Variants in LHFPL2 observed in about 807,000 individuals in gnomAD.
LHFPL2 encodes LHFPL tetraspan subfamily member 2, also known as LHFPL tetraspan subfamily member 2 protein.
A neutral mutation model predicts 17.5 loss-of-function variants in LHFPL2; 7 were observed. The observed-to-expected ratio is 0.40, with a 90% confidence interval of 0.23 to 0.75. The LOEUF is 0.75. Ranked by LOEUF, LHFPL2 falls within the 30% of genes least tolerant of loss-of-function variation. The pLI is 0.37. For missense variants in LHFPL2, 241 were observed against 294.8 expected, an observed-to-expected ratio of 0.82 and a Z score of 1.34; for synonymous variants, 134 against 116.2, an observed-to-expected ratio of 1.15 and a Z score of -0.99.
intron 4 of LHFPL2, among the ~76,000 whole-genome samples, chr5:78,490,520 A>G (rs1486569676): frequency 6.6e-6 from 1 of 152,128 alleles, no homozygotes; most frequent in Non-Finnish European, 1.5e-5. Context: ...TGGGAGGCTG[A>G]GGTGGGTGGA....
At chr5:78,542,706 T>G (rs1199163573) in intron 3 of LHFPL2, among the ~76,000 whole-genome samples, 4 of 152,166 alleles carry the variant, frequency 2.6e-5, no homozygotes, top group African/African-American at 4.8e-5. Context: ...CTGGTCTCTA[T>G]CTGGGCCACT....
chr5:78,511,033 AC>A (rs1320516285), intron 3 of LHFPL2, among the ~76,000 whole-genome samples: 1 of 152,086 alleles, frequency 6.6e-6, no homozygotes, highest in Non-Finnish European at 1.5e-5. Flanking sequence ...TTGCTCCCAT[AC>A]CTATACTTTA....
intron 3 of LHFPL2, among the ~76,000 whole-genome samples, chr5:78,528,733 T>C (rs1282255128): frequency 6.6e-6 from 1 of 152,204 alleles, no homozygotes; most frequent in East Asian, 1.9e-4. Context: ...CCCTCACAGC[T>C]GTCAGGTAGG....
At chr5:78,509,677 T>TG in intron 4 of LHFPL2, 107 bp downstream of exon 4, 4 of 1,120,498 alleles carry the variant, frequency 3.6e-6, no homozygotes, top group Non-Finnish European at 5.2e-6. Flanking sequence ...AGACAGAAAG[T>TG]GGTCTTCTCC....
chr5:78,633,568 T>C (rs552898228), intron 1 of LHFPL2, among the ~76,000 whole-genome samples: 1 of 152,096 alleles, frequency 6.6e-6, no homozygotes, highest in Admixed American at 6.5e-5. Flanking sequence ...GGGGACAGAG[T>C]ACAGAGATGG....
At chr5:78,535,905 C>G (rs575333950) in intron 3 of LHFPL2, among the ~76,000 whole-genome samples, 44 of 152,186 alleles carry the variant, frequency 2.9e-4, no homozygotes, top group Admixed American at 1.1e-3. Flanking sequence ...GCCCCCCAGT[C>G]TCAGAGTTCT....
intron 2 of LHFPL2, among the ~76,000 whole-genome samples, chr5:78,630,283 G>A (rs992462295): frequency 1.3e-5 from 2 of 152,242 alleles, no homozygotes; most frequent in African/African-American, 4.8e-5. Context: ...GCATGGGGCA[G>A]TGTGGAGACC....
intron 1 of LHFPL2, among the ~76,000 whole-genome samples, chr5:78,643,031 A>G (rs1300457859): frequency 1.3e-5 from 2 of 152,038 alleles, no homozygotes. Context: ...AAAGTGCAAT[A>G]TGATCACAGC....
chr5:78,615,881 T>C (rs921938760), intron 2 of LHFPL2, among the ~76,000 whole-genome samples: 1 of 152,102 alleles, frequency 6.6e-6, no homozygotes, highest in Non-Finnish European at 1.5e-5. Flanking sequence ...GGCAATGTTC[T>C]GGAAAGCAGT....
intron 3 of LHFPL2, among the ~76,000 whole-genome samples, chr5:78,515,938 C>T (rs576246847): frequency 1.3e-5 from 2 of 152,178 alleles, no homozygotes; most frequent in African/African-American, 4.8e-5. Context: ...GGTCACAGGG[C>T]CCAGTGACTG....
intron 1 of LHFPL2, among the ~76,000 whole-genome samples, chr5:78,643,799 G>A (rs1304678218): frequency 2.0e-5 from 3 of 152,136 alleles, no homozygotes; most frequent in South Asian, 2.1e-4. Context: ...GGTGGCTCAC[G>A]CCTGTAATCT....
At chr5:78,585,768 A>G (rs891372202) in intron 2 of LHFPL2, among the ~76,000 whole-genome samples, 4 of 152,132 alleles carry the variant, frequency 2.6e-5, no homozygotes, top group Non-Finnish European at 5.9e-5. Flanking sequence ...ACTTAATAGC[A>G]TTTGTCTTCA....
intron 2 of LHFPL2, among the ~76,000 whole-genome samples, chr5:78,578,663 G>C (rs1403121714): frequency 1.3e-5 from 2 of 152,016 alleles, no homozygotes; most frequent in South Asian, 2.1e-4. Context: ...TATCTCAAGA[G>C]AGCCTCTGCC....
chr5:78,600,022 C>T (rs1462314641), intron 2 of LHFPL2, among the ~76,000 whole-genome samples: 1 of 151,960 alleles, frequency 6.6e-6, no homozygotes, highest in Non-Finnish European at 1.5e-5. Flanking sequence ...TAATAATGAA[C>T]ATGCAATATA....
chr5:78,518,218 AT>A (rs1755345774), intron 3 of LHFPL2, among the ~76,000 whole-genome samples: 1 of 152,258 alleles, frequency 6.6e-6, no homozygotes, highest in Admixed American at 6.5e-5. Flanking sequence ...TGGGCAAAAT[AT>A]AAGTCTTAAA....
intron 2 of LHFPL2, among the ~76,000 whole-genome samples, chr5:78,573,206 C>T (rs1451893536): frequency 6.6e-6 from 1 of 152,186 alleles, no homozygotes; most frequent in African/African-American, 2.4e-5. Flanking sequence ...ACAGAATTGT[C>T]TACCATGGTG....
chr5:78,594,664 T>A (rs1743764865), intron 2 of LHFPL2, among the ~76,000 whole-genome samples: 1 of 152,212 alleles, frequency 6.6e-6, no homozygotes, highest in African/African-American at 2.4e-5. Flanking sequence ...TTCCTAAGTG[T>A]TCCCCTGGGA....
chr5:78,497,838 GA>G (rs765585920), intron 4 of LHFPL2, among the ~76,000 whole-genome samples: 1 of 152,218 alleles, frequency 6.6e-6, no homozygotes, highest in African/African-American at 2.4e-5. Flanking sequence ...TGGTTGTTAG[GA>G]AATCACACAG....
At chr5:78,556,582 T>C (rs1756577295) in intron 3 of LHFPL2, among the ~76,000 whole-genome samples, 1 of 152,166 alleles carries the variant, frequency 6.6e-6, no homozygotes, top group African/African-American at 2.4e-5. Context: ...AAAAGGATAT[T>C]CAAGGTTGAT....
Sources: gnomAD v4.1 joint callset for allele counts (sites outside exome capture counted in the v4.1 genomes callset) on GRCh38, gnomAD v4.1.1 for gene constraint, MANE v1.5 for transcripts, NCBI Gene and HGNC (gene_info 2026-07-23, HGNC 2026-07-21) for gene names.